AGTPBP1: variants seen among roughly 807,000 people sequenced by gnomAD.
AGTPBP1 encodes cytosolic carboxypeptidase 1.
Under a neutral mutation model 143.9 loss-of-function variants are expected in AGTPBP1, and 70 were observed. That is an observed-to-expected ratio of 0.49 (90% confidence interval 0.40 to 0.59). The LOEUF (loss-of-function observed/expected upper bound fraction) is 0.59, where lower values mean the gene tolerates loss of function less well. Ranked by LOEUF, AGTPBP1 falls within the 20% of genes least tolerant of loss-of-function variation. The probability of loss-of-function intolerance (pLI) is 0.00; values close to 1 mark genes in which losing one functional copy is unlikely to be tolerated. For synonymous variants in AGTPBP1, 463 were observed against 500.2 expected (o/e 0.93, Z 0.99); for missense variants, 1,229 against 1,464.5 (o/e 0.84, Z 2.62).
rs1838468835 is a variant in AGTPBP1 at position 85,726,112 on chromosome 9, C to T, written c.-33-13546G>A. Among the ~76,000 whole-genome samples, 4 of 148,972 alleles carry T rather than the reference C, an allele frequency of 2.7e-5. No individual in the cohort carries two copies. The South Asian group carries it at 6.4e-4, about 24-fold the overall frequency. On this transcript the variant is annotated intron_variant, in intron 1 of 25. Coordinates refer to ENST00000357081, the MANE Select transcript of AGTPBP1 (RefSeq NM_001330701.2). ...CAGTGTGGTGGCATGCACCTATGGTCCCAGCTACATGGGAGGGTGAGGTAG... is the reference window on the plus strand; with the variant it reads ...CAGTGTGGTGGCATGCACCTATGGTTCCAGCTACATGGGAGGGTGAGGTAG...
intron 1 of AGTPBP1, among the ~76,000 whole-genome samples, chr9:85,724,025 G>A (rs1055734826): frequency 4.6e-5 from 7 of 152,102 alleles, no homozygotes; most frequent in Non-Finnish European, 8.8e-5. Flanking sequence ...GGTGGCTCAT[G>A]CCTATAATCC....
chr9:85,669,014 TACACACACACACACAC>T (rs139321417), intron 8 of AGTPBP1, among the ~76,000 whole-genome samples: 1 of 120,514 alleles, frequency 8.3e-6, no homozygotes, highest in Non-Finnish European at 1.7e-5. Context: ...TGTGTATACA[TACACACACACACACAC>T]ACACACACAT....
chr9:85,664,632 T>C (rs1378223484), intron 8 of AGTPBP1, among the ~76,000 whole-genome samples: 1 of 152,124 alleles, frequency 6.6e-6, no homozygotes, highest in Non-Finnish European at 1.5e-5. Context: ...CAATCTAATA[T>C]AACAGAAACT....
chr9:85,653,725 G>A (rs1244952418), intron 11 of AGTPBP1, among the ~76,000 whole-genome samples: 2 of 152,184 alleles, frequency 1.3e-5, no homozygotes, highest in Admixed American at 6.5e-5. Context: ...TCCTAGAAGA[G>A]GGAGTGGAGG....
At chr9:85,602,818 G>GGCCA (rs1829753710) in intron 17 of AGTPBP1, among the ~76,000 whole-genome samples, 1 of 152,190 alleles carries the variant, frequency 6.6e-6, no homozygotes, top group Non-Finnish European at 1.5e-5. Flanking sequence ...CAGCCCCAGT[G>GGCCA]GCCACATGGA....
chr9:85,741,867 C>T lies in AGTPBP1; in HGVS notation c.-126G>A. ...GGCGGATCCCTCGCCGCCCGCCGCC[C>T]GGTGTTTTCATACAAACCCCGGTGG... On this transcript the variant is annotated 5_prime_UTR_variant, in exon 1 of 26. Transcript: ENST00000357081. 19 of 1,395,964 alleles carry T rather than the reference C, an allele frequency of 1.4e-5. No individual in the cohort carries two copies. Among genetic ancestry groups the T allele is most frequent in the Non-Finnish European group, 1.8e-5 (19 of 1,076,696 alleles). The allele number at this position is 1,395,964 out of a possible 1,614,324, so 86.5% of individuals were successfully genotyped here.
At chr9:85,575,628 C>T (rs139290585) in intron 24 of AGTPBP1, among the ~76,000 whole-genome samples, 153 bp from the exon 25 acceptor site, 1 of 152,128 alleles carries the variant, frequency 6.6e-6, no homozygotes, top group Non-Finnish European at 1.5e-5. Flanking sequence ...AGTTTAACAT[C>T]TTAACAATAC....
At chr9:85,600,319 T>C (rs2031434035) in intron 17 of AGTPBP1, among the ~76,000 whole-genome samples, 1 of 152,110 alleles carries the variant, frequency 6.6e-6, no homozygotes, top group African/African-American at 2.4e-5. Flanking sequence ...AAACTCACCA[T>C]AACACAAAAC....
chr9:85,785,117 G>A, the AGTPBP1 span, among the ~76,000 whole-genome samples: 1 of 152,250 alleles, frequency 6.6e-6, no homozygotes, highest in Non-Finnish European at 1.5e-5. Flanking sequence ...CGGATCACCT[G>A]AGGTCAGGAG....
the AGTPBP1 span, among the ~76,000 whole-genome samples, chr9:85,789,426 TTTTC>T: frequency 6.6e-6 from 1 of 152,160 alleles, no homozygotes; most frequent in East Asian, 1.9e-4. Flanking sequence ...ATGTTTGTGG[TTTTC>T]TTTTTTTTGT....
At chr9:85,575,746 A>G (rs1377324270) in intron 24 of AGTPBP1, among the ~76,000 whole-genome samples, 1 of 152,186 alleles carries the variant, frequency 6.6e-6, no homozygotes, top group South Asian at 2.1e-4. Flanking sequence ...TAGGGGGAAA[A>G]AATACAGTAA....
At chr9:85,596,659 T>C (rs533606530) in intron 17 of AGTPBP1, among the ~76,000 whole-genome samples, 1 of 152,294 alleles carries the variant, frequency 6.6e-6, no homozygotes, top group South Asian at 2.1e-4. Flanking sequence ...TAATACAGGA[T>C]TACAACTTTA....
the AGTPBP1 span, among the ~76,000 whole-genome samples, chr9:85,766,005 A>C: frequency 6.6e-6 from 1 of 152,100 alleles, no homozygotes; most frequent in African/African-American, 2.4e-5. Context: ...CCAAGGTGTT[A>C]AATTGGAGCC....
chr9:85,572,009 T>C (rs1328041936), intron 25 of AGTPBP1, among the ~76,000 whole-genome samples: 582 of 16,140 alleles, frequency 0.036, 5 homozygotes, highest in South Asian at 0.097. Context: ...TGTGTGTTTT[T>C]TTTTTTTTTT....
chr9:85,775,467 T>C, the AGTPBP1 span, among the ~76,000 whole-genome samples: 1 of 149,920 alleles, frequency 6.7e-6, no homozygotes, highest in Non-Finnish European at 1.5e-5. Context: ...TGGGACCCCA[T>C]CTGTATTAAT....
chr9:85,778,938 A>G, the AGTPBP1 span, among the ~76,000 whole-genome samples: 2 of 152,142 alleles, frequency 1.3e-5, no homozygotes, highest in African/African-American at 4.8e-5. Flanking sequence ...GGAGTGTCAA[A>G]TGCATTTATT....
chr9:85,769,672 T>C, the AGTPBP1 span, among the ~76,000 whole-genome samples: 3 of 152,102 alleles, frequency 2.0e-5, no homozygotes, highest in African/African-American at 7.2e-5. Flanking sequence ...TCTTATGAAA[T>C]ATTTCAGATA....
rs921749241 is a variant in AGTPBP1 at position 85,547,157 on chromosome 9, T to C, written c.3633A>G (p.Gln1211=). Residue 1211 remains glutamine, a synonymous_variant, in exon 26 of 26, where the codon CAA becomes CAG. Coordinates refer to ENST00000357081, the MANE Select transcript of AGTPBP1 (RefSeq NM_001330701.2). ...ATTCAGAGTCAGAAAGTACTTCTTC[T>C]TGAGCAGAAGGTTCATAATCTCCTA... ...ENVGDYEPSA[Q]EEVLSDSELS... is the part of the protein sequence containing the mutation. 1.2e-6 allele frequency: 2 copies of C among 1,613,250 alleles called. No individual in the cohort carries two copies. The highest frequency in any genetic ancestry group is 1.7e-6 in the Non-Finnish European group (2 of 1,179,702).
chr9:85,615,903 G>C (rs1333401583), intron 17 of AGTPBP1, among the ~76,000 whole-genome samples: 1 of 151,876 alleles, frequency 6.6e-6, no homozygotes, highest in Non-Finnish European at 1.5e-5. Flanking sequence ...GTCTTACAAA[G>C]AAAGGTTTGG....
Sources: gnomAD v4.1 joint callset for allele counts (sites outside exome capture counted in the v4.1 genomes callset) on GRCh38, gnomAD v4.1.1 for gene constraint, MANE v1.5 for transcripts, NCBI Gene and HGNC (gene_info 2026-07-23, HGNC 2026-07-21) for gene names.